The following TMT1A variants were observed in gnomAD, a reference collection of about 807,000 sequenced individuals.
TMT1A encodes thiol S-methyltransferase TMT1A.
At chr12:50,927,032 TTTG>T in the TMT1A span, among the ~76,000 whole-genome samples, 17 of 152,302 alleles carry the variant, frequency 1.1e-4, no homozygotes, top group African/African-American at 3.8e-4. Context: ...GTTTTCATTT[TTTG>T]TTGAGACAGG....
At chr12:50,925,495 CA>C in the TMT1A span, 2 of 1,613,990 alleles carry the variant, frequency 1.2e-6, no homozygotes, top group Non-Finnish European at 1.7e-6. Context: ...TGTGAAGAAC[CA>C]GGAGCGGATT....
chr12:50,927,557 G>A, the TMT1A span, among the ~76,000 whole-genome samples: 3 of 152,186 alleles, frequency 2.0e-5, no homozygotes, highest in African/African-American at 7.2e-5. Flanking sequence ...CCGCTGCAAG[G>A]CAGGTAATTA....
the TMT1A span, among the ~76,000 whole-genome samples, chr12:50,925,924 G>T: frequency 7.1e-6 from 1 of 141,802 alleles, no homozygotes. Context: ...CTGTAGGCAG[G>T]AGAATCGCTT....
the TMT1A span, among the ~76,000 whole-genome samples, chr12:50,926,090 A>G: frequency 6.6e-6 from 1 of 151,798 alleles, no homozygotes; most frequent in Non-Finnish European, 1.5e-5. Context: ...AAACAAAGTT[A>G]AACTACAAAA....
the TMT1A span, among the ~76,000 whole-genome samples, chr12:50,926,400 C>A: frequency 0.032 from 4,918 of 152,206 alleles, 270 homozygotes; most frequent in African/African-American, 0.11. Flanking sequence ...AGAAGAGGTA[C>A]CCTCTTTGGG....
chr12:50,925,426 A>G, the TMT1A span: 2 of 1,614,098 alleles, frequency 1.2e-6, no homozygotes, highest in Non-Finnish European at 1.7e-6. Flanking sequence ...CGGGGAGAAC[A>G]TGCACCAGGT....
At chr12:50,925,183 G>A in the TMT1A span, 2 of 1,614,154 alleles carry the variant, frequency 1.2e-6, no homozygotes, top group South Asian at 1.1e-5. Flanking sequence ...GATATACAAC[G>A]AACAGATGGC....
chr12:50,925,640 C>T, the TMT1A span: 6 of 1,313,938 alleles, frequency 4.6e-6, no homozygotes, highest in African/African-American at 5.9e-5. Flanking sequence ...AAAAAGTAAA[C>T]TACTAGAAAA....
chr12:50,928,895 C>T, the TMT1A span, among the ~76,000 whole-genome samples: 14 of 152,082 alleles, frequency 9.2e-5, no homozygotes, highest in African/African-American at 3.4e-4. Context: ...CACTGACCTC[C>T]CCAAACCTGC....
At chr12:50,926,344 A>G in the TMT1A span, among the ~76,000 whole-genome samples, 8 of 152,154 alleles carry the variant, frequency 5.3e-5, no homozygotes, top group Admixed American at 2.6e-4. Context: ...TAAGGTCAGT[A>G]TAGGGTTGGG....
chr12:50,925,435 G>GTGGC, the TMT1A span: 4 of 1,614,220 alleles, frequency 2.5e-6, no homozygotes, highest in African/African-American at 1.3e-5. Flanking sequence ...CATGCACCAG[G>GTGGC]TGGCTGATGG....
chr12:50,929,958 G>A, the TMT1A span: 21 of 1,613,620 alleles, frequency 1.3e-5, no homozygotes, highest in Admixed American at 2.2e-4. Context: ...CTGAGTGTTC[G>A]ACTTGGAATT....
At chr12:50,929,145 G>A in the TMT1A span, among the ~76,000 whole-genome samples, 1 of 152,142 alleles carries the variant, frequency 6.6e-6, no homozygotes, top group East Asian at 1.9e-4. Flanking sequence ...TGAGGCAGTA[G>A]GATTGCTTGA....
chr12:50,926,012 A>G, the TMT1A span, among the ~76,000 whole-genome samples: 68,222 of 110,860 alleles, frequency 0.62, 21,660 homozygotes, highest in South Asian at 0.67. Flanking sequence ...GTGAAACTCC[A>G]TCTCAAAAAA....
At chr12:50,926,616 A>G in the TMT1A span, among the ~76,000 whole-genome samples, 3 of 152,232 alleles carry the variant, frequency 2.0e-5, no homozygotes, top group African/African-American at 7.2e-5. Context: ...AAGAAGAGTT[A>G]TCTGTGCTGA....
chr12:50,925,508 TC>T, the TMT1A span: 1 of 1,613,844 alleles, frequency 6.2e-7, no homozygotes, highest in South Asian at 1.1e-5. Context: ...GAGCGGATTC[TC>T]CGCGAGGTGT....
At chr12:50,925,863 A>AC in the TMT1A span, among the ~76,000 whole-genome samples, 2 of 151,826 alleles carry the variant, frequency 1.3e-5, no homozygotes, top group African/African-American at 4.8e-5. Context: ...ATATGGTGAA[A>AC]CCCCATCTCT....
the TMT1A span, chr12:50,930,134 G>A: frequency 6.2e-7 from 1 of 1,608,776 alleles, no homozygotes; most frequent in Non-Finnish European, 8.5e-7. Context: ...CATATCTATG[G>A]ATATGCTGTG....
chr12:50,929,171 G>A, the TMT1A span, among the ~76,000 whole-genome samples: 1 of 152,190 alleles, frequency 6.6e-6, no homozygotes, highest in African/African-American at 2.4e-5. Context: ...GGAGGCAGAG[G>A]TTGCAGTGAG....
Sources: allele counts gnomAD v4.1 joint callset (sites outside exome capture counted in the v4.1 genomes callset), GRCh38; gene constraint gnomAD v4.1.1; transcripts MANE v1.5; gene names NCBI Gene and HGNC (gene_info 2026-07-23, HGNC 2026-07-21).